RGS7: variants seen among roughly 807,000 people sequenced by gnomAD.
The protein encoded by RGS7 is regulator of G-protein signaling 7.
Under a neutral mutation model 81.1 loss-of-function variants are expected in RGS7, and 27 were observed. The ratio of observed to expected loss-of-function variants is 0.33; its 90% CI spans 0.25 to 0.46. The LOEUF is 0.46. Ranked by LOEUF, RGS7 falls within the 20% of genes least tolerant of loss-of-function variation. The probability of loss-of-function intolerance (pLI) is 1.00; values close to 1 mark genes in which losing one functional copy is unlikely to be tolerated. For missense variants in RGS7, 396 were observed against 607.4 expected (o/e 0.65, Z 3.66); for synonymous variants, 208 against 207.7 (o/e 1.00, Z -0.01).
chr1:240,959,630 A>G (rs1314930227), intron 4 of RGS7, among the ~76,000 whole-genome samples: 3 of 152,188 alleles, frequency 2.0e-5, no homozygotes, highest in Non-Finnish European at 4.4e-5. Flanking sequence ...TATGGGATAT[A>G]TGACTATATA....
chr1:240,776,072 T>C lies in RGS7; in HGVS notation c.*148A>G. The C allele has an allele frequency of 2.1e-6, 2 of 975,400 alleles. No homozygotes were observed. The highest frequency in any genetic ancestry group is 3.3e-6 in the Non-Finnish European group (2 of 597,340). The allele number at this position is 975,400 out of a possible 1,614,324, so 60.4% of individuals were successfully genotyped here. On this transcript the variant is annotated 3_prime_UTR_variant, in exon 19 of 19. Transcript: ENST00000440928. ...TAGGTCCTTTGCTCATGCAACATCTTGTTCTAATGTCCTCTGCTCCAGGTC... is the reference window on the plus strand; with the variant it reads ...TAGGTCCTTTGCTCATGCAACATCTCGTTCTAATGTCCTCTGCTCCAGGTC...
At chr1:241,264,827 A>T (rs1317050228) in intron 2 of RGS7, among the ~76,000 whole-genome samples, 1 of 152,208 alleles carries the variant, frequency 6.6e-6, no homozygotes, top group East Asian at 1.9e-4. Context: ...CAGGAGATAG[A>T]GGGAGGACCT....
At chr1:240,789,785 G>T (rs1185712927) in intron 18 of RGS7, among the ~76,000 whole-genome samples, 1 of 152,106 alleles carries the variant, frequency 6.6e-6, no homozygotes, top group African/African-American at 2.4e-5. Context: ...TTTCACCCCG[G>T]TCCTGTGGTC....
At chr1:241,005,876 A>G (rs2058667816) in intron 3 of RGS7, among the ~76,000 whole-genome samples, 1 of 152,128 alleles carries the variant, frequency 6.6e-6, no homozygotes, top group African/African-American at 2.4e-5. Flanking sequence ...TTTGATTGTC[A>G]TCCATGTCAT....
At chr1:240,931,819 T>C (rs1675489791) in intron 5 of RGS7, among the ~76,000 whole-genome samples, 1 of 152,174 alleles carries the variant, frequency 6.6e-6, no homozygotes, top group African/African-American at 2.4e-5. Flanking sequence ...AACTTTATTA[T>C]TATCATTAAC....
intron 2 of RGS7, among the ~76,000 whole-genome samples, chr1:241,161,926 AG>A (rs2069722337): frequency 6.6e-6 from 1 of 152,076 alleles, no homozygotes; most frequent in African/African-American, 2.4e-5. Context: ...CACCTTGGTC[AG>A]GCTGGTCTCG....
At chr1:241,138,826 T>TA (rs1330870277) in intron 2 of RGS7, among the ~76,000 whole-genome samples, 1 of 152,144 alleles carries the variant, frequency 6.6e-6, no homozygotes, top group African/African-American at 2.4e-5. Context: ...ATGCTTTTTT[T>TA]AAAAAATATA....
At chr1:241,212,283 A>C (rs960049386) in intron 2 of RGS7, among the ~76,000 whole-genome samples, 1 of 152,114 alleles carries the variant, frequency 6.6e-6, no homozygotes, top group Non-Finnish European at 1.5e-5. Context: ...TGTCATTTAG[A>C]ATAATCTGTA....
intron 4 of RGS7, among the ~76,000 whole-genome samples, chr1:240,957,635 A>G (rs1327207294): frequency 6.6e-6 from 1 of 152,238 alleles, no homozygotes; most frequent in Non-Finnish European, 1.5e-5. Flanking sequence ...GACTTCAGTT[A>G]ATATTAATGT....
chr1:241,155,059 C>A (rs898974682), intron 2 of RGS7, among the ~76,000 whole-genome samples: 5 of 152,110 alleles, frequency 3.3e-5, no homozygotes, highest in African/African-American at 1.2e-4. Context: ...GTAATGAGAA[C>A]AAAATAAACA....
In RGS7 at chr1:240,915,634, C is replaced by A. The variant is rs185779499; in HGVS notation, c.385+15083G>T. Among the ~76,000 whole-genome samples, 26 of 152,256 alleles carry A rather than the reference C, an allele frequency of 1.7e-4. 1 individual carries two copies. The highest frequency in any genetic ancestry group is 1.4e-3 in the Admixed American group (22 of 15,292). On this transcript the variant is annotated intron_variant, in intron 6 of 18. Coordinates refer to ENST00000440928, the MANE Select transcript of RGS7 (RefSeq NM_001364886.1). ...CTAGCCAGATAAACATAAAACCTCA[C>A]AGTAATGGCCTGTATGCCTCATTTA...
chr1:241,023,659 T>C (rs1409683282), intron 3 of RGS7, among the ~76,000 whole-genome samples: 1 of 152,258 alleles, frequency 6.6e-6, no homozygotes, highest in African/African-American at 2.4e-5. Flanking sequence ...TCTTCCCTAA[T>C]GCAATAGCCT....
chr1:241,228,573 A>T (rs2075465695), intron 2 of RGS7, among the ~76,000 whole-genome samples: 1 of 152,236 alleles, frequency 6.6e-6, no homozygotes, highest in African/African-American at 2.4e-5. Context: ...TTATAAATGC[A>T]GCAATAAAAT....
intron 6 of RGS7, among the ~76,000 whole-genome samples, chr1:240,907,401 T>A (rs1030348013): frequency 5.3e-5 from 8 of 151,848 alleles, no homozygotes; most frequent in Non-Finnish European, 1.0e-4. Flanking sequence ...ATTAGTATAG[T>A]AAATAGAAAT....
At chr1:240,857,679 GTCCT>G (rs1661396055) in intron 9 of RGS7, among the ~76,000 whole-genome samples, 1 of 151,904 alleles carries the variant, frequency 6.6e-6, no homozygotes, top group Admixed American at 6.6e-5. Flanking sequence ...TGCATTTAAA[GTCCT>G]TCCATGTCTT....
intron 3 of RGS7, among the ~76,000 whole-genome samples, chr1:241,015,127 A>G (rs1250598971): frequency 6.6e-6 from 1 of 152,236 alleles, no homozygotes; most frequent in Admixed American, 6.5e-5. Flanking sequence ...AAAGTTGCAC[A>G]GTTTCAAAAA....
intron 2 of RGS7, among the ~76,000 whole-genome samples, chr1:241,142,249 C>G (rs2067977027): frequency 6.6e-6 from 1 of 152,172 alleles, no homozygotes; most frequent in South Asian, 2.1e-4. Context: ...GTGGATCTAC[C>G]ATTCTGAGGT....
chr1:240,907,448 C>T (rs1167429626), intron 6 of RGS7, among the ~76,000 whole-genome samples: 1 of 150,562 alleles, frequency 6.6e-6, no homozygotes, highest in Non-Finnish European at 1.5e-5. Context: ...AAATAAAATA[C>T]TAAATACTAA....
chr1:241,315,104 C>CTTTTTTTTT (rs2080788834), intron 2 of RGS7, among the ~76,000 whole-genome samples: 4 of 34,152 alleles, frequency 1.2e-4, no homozygotes, highest in Admixed American at 3.3e-4. Flanking sequence ...TTTTCTTCTT[C>CTTTTTTTTT]TTCTTTTTTT....
Sources: allele counts gnomAD v4.1 joint callset (sites outside exome capture counted in the v4.1 genomes callset), GRCh38; gene constraint gnomAD v4.1.1; transcripts MANE v1.5; gene names NCBI Gene and HGNC (gene_info 2026-07-23, HGNC 2026-07-21).